The following SEMA3E variants were observed in gnomAD, a reference collection of about 807,000 sequenced individuals.
The protein encoded by SEMA3E is semaphorin 3E, also known as semaphorin-3E.
SEMA3E carries 49 observed loss-of-function variants against 93.6 expected under a neutral mutation model. The ratio of observed to expected loss-of-function variants is 0.52; its 90% CI spans 0.42 to 0.66. The LOEUF is 0.66. Among genes scored for constraint, SEMA3E ranks in the 30% least tolerant of loss-of-function variants. The probability of loss-of-function intolerance (pLI) is 0.00; values close to 1 mark genes in which losing one functional copy is unlikely to be tolerated. For synonymous variants in SEMA3E, 363 were observed against 330.7 expected (o/e 1.10, Z -1.06); for missense variants, 906 against 964.8 (o/e 0.94, Z 0.81).
chr7:83,500,464 A>G (rs564193720), intron 1 of SEMA3E, among the ~76,000 whole-genome samples: 3 of 152,058 alleles, frequency 2.0e-5, no homozygotes, highest in African/African-American at 7.2e-5. Flanking sequence ...ACAACAAAAA[A>G]ACTTACTTAA....
chr7:83,430,281 A>G (rs911882709), intron 4 of SEMA3E, among the ~76,000 whole-genome samples: 1 of 152,070 alleles, frequency 6.6e-6, no homozygotes, highest in Non-Finnish European at 1.5e-5. Flanking sequence ...CCTAGTCAAC[A>G]TGGTGAAAAC....
chr7:83,496,733 C>G (rs574473471), intron 1 of SEMA3E, among the ~76,000 whole-genome samples: 1 of 152,102 alleles, frequency 6.6e-6, no homozygotes, highest in East Asian at 1.9e-4. Context: ...TATTAATTAT[C>G]TGAACTCCAA....
At chr7:83,407,045 G>A in intron 7 of SEMA3E, 52 bp downstream of exon 7, 1 of 1,603,332 alleles carries the variant, frequency 6.2e-7, no homozygotes, top group Non-Finnish European at 8.5e-7. Context: ...CTTAATAAAG[G>A]CCTGACCATA....
intron 1 of SEMA3E, among the ~76,000 whole-genome samples, chr7:83,506,033 AT>A (rs67685064): frequency 0.48 from 44,476 of 92,624 alleles, 8,965 homozygotes; most frequent in Non-Finnish European, 0.54. Context: ...AAAAAAAAAA[AT>A]ATATATATAT....
chr7:83,594,522 T>C (rs1792826778), intron 1 of SEMA3E, among the ~76,000 whole-genome samples: 1 of 152,132 alleles, frequency 6.6e-6, no homozygotes, highest in African/African-American at 2.4e-5. Context: ...AAAATAATTA[T>C]AGCGCTGTGC....
intron 1 of SEMA3E, among the ~76,000 whole-genome samples, chr7:83,552,883 C>G (rs1791794986): frequency 6.6e-6 from 1 of 152,160 alleles, no homozygotes; most frequent in East Asian, 1.9e-4. Context: ...ATCAGTAGTT[C>G]TGCTTTTGCC....
At chr7:83,486,812 A>G (rs1790267104) in intron 2 of SEMA3E, among the ~76,000 whole-genome samples, 1 of 152,008 alleles carries the variant, frequency 6.6e-6, no homozygotes, top group Non-Finnish European at 1.5e-5. Context: ...AGTCTTTGCA[A>G]TTTTGAAATT....
At chr7:83,375,340 T>C (rs779921549) in intron 16 of SEMA3E, among the ~76,000 whole-genome samples, 1 of 152,106 alleles carries the variant, frequency 6.6e-6, no homozygotes, top group Non-Finnish European at 1.5e-5. Flanking sequence ...GAGAAAAATC[T>C]CTCTGCATGT....
rs375209449 is a variant in SEMA3E at position 83,490,123 on chromosome 7, G to A, written c.267C>T (p.Gly89=). 9.3e-6 allele frequency: 15 copies of A among 1,612,098 alleles called. No individual in the cohort carries two copies. Among genetic ancestry groups the A allele is most frequent in the African/African-American group, 2.7e-5 (2 of 74,604 alleles). ...TTTGATATTTCTATACCTCTTTATA[G>A]CCGTCACTGATTCTCTCCAAGCTGA... ...YSLSLERISD[G]YKEIHWPSTA... The change falls in exon 2 of 17, where the codon GGC becomes GGT. Residue 89 remains glycine, a synonymous_variant. Transcript: ENST00000643230.
chr7:83,490,072 C>A, intron 2 of SEMA3E, 42 bp downstream of exon 2: 1 of 1,590,554 alleles, frequency 6.3e-7, no homozygotes, highest in Non-Finnish European at 8.6e-7. Context: ...AAATTTCCCC[C>A]CTTTTCTATC....
intron 2 of SEMA3E, among the ~76,000 whole-genome samples, chr7:83,475,631 A>G (rs1469503283): frequency 7.5e-6 from 1 of 133,296 alleles, no homozygotes; most frequent in Non-Finnish European, 1.6e-5. Flanking sequence ...GATGGAAACA[A>G]GAAGCTCTTG....
chr7:83,454,272 A>AAAAAAAAAAAAATATAT (rs1257792756), intron 4 of SEMA3E, among the ~76,000 whole-genome samples: 10 of 110,106 alleles, frequency 9.1e-5, no homozygotes, highest in African/African-American at 4.3e-4. Flanking sequence ...AAAAAAAAAA[A>AAAAAAAAAAAAATATAT]ATATATATAT....
intron 1 of SEMA3E, among the ~76,000 whole-genome samples, chr7:83,514,042 C>T (rs556889198): frequency 2.6e-3 from 403 of 152,188 alleles, no homozygotes; most frequent in Middle Eastern, 0.01. Context: ...AAAGAAGCCA[C>T]CTAAATCCTA....
chr7:83,480,972 C>T (rs1463598872), intron 2 of SEMA3E, among the ~76,000 whole-genome samples: 1 of 151,728 alleles, frequency 6.6e-6, no homozygotes, highest in African/African-American at 2.4e-5. Flanking sequence ...TGTTCTTCCT[C>T]AATATAAAAC....
chr7:83,425,331 T>C (rs561292390), intron 4 of SEMA3E, among the ~76,000 whole-genome samples: 8 of 152,254 alleles, frequency 5.3e-5, no homozygotes, highest in Non-Finnish European at 1.2e-4. Flanking sequence ...TTACCCCAAA[T>C]ATACTTTTCT....
intron 4 of SEMA3E, among the ~76,000 whole-genome samples, chr7:83,457,396 A>T (rs1033733355): frequency 9.2e-5 from 14 of 152,236 alleles, no homozygotes; most frequent in African/African-American, 3.4e-4. Flanking sequence ...GACATCTGTT[A>T]GATTCTTACA....
chr7:83,617,444 A>AAATTTTATAAAAATAATATAT (rs1793394097), intron 1 of SEMA3E, among the ~76,000 whole-genome samples: 1 of 99,820 alleles, frequency 1.0e-5, no homozygotes, highest in Non-Finnish European at 2.1e-5. Context: ...AATTTTATAT[A>AAATTTTATAAAAATAATATAT]AATTTTATAT....
chr7:83,594,900 C>T (rs577511146), intron 1 of SEMA3E, among the ~76,000 whole-genome samples: 1 of 151,532 alleles, frequency 6.6e-6, no homozygotes, highest in East Asian at 1.9e-4. Flanking sequence ...AGTATCCAAC[C>T]CAATTTATTC....
chr7:83,394,368 A>G (rs112083487), intron 12 of SEMA3E, 30 bp from the exon 13 acceptor site: 22 of 1,566,640 alleles, frequency 1.4e-5, no homozygotes, highest in African/African-American at 1.4e-4. Context: ...TTCATTTTTA[A>G]GAAAACAGTA....
Sources: gnomAD v4.1 joint callset for allele counts (sites outside exome capture counted in the v4.1 genomes callset) on GRCh38, gnomAD v4.1.1 for gene constraint, MANE v1.5 for transcripts, NCBI Gene and HGNC (gene_info 2026-07-23, HGNC 2026-07-21) for gene names.